PTPRR: variants seen among roughly 807,000 people sequenced by gnomAD.
PTPRR encodes the protein protein tyrosine phosphatase receptor type R, also known as receptor-type tyrosine-protein phosphatase R.
Under a neutral mutation model 77.2 loss-of-function variants are expected in PTPRR, and 38 were observed. The ratio of observed to expected loss-of-function variants is 0.49; its 90% CI spans 0.38 to 0.65. The LOEUF (loss-of-function observed/expected upper bound fraction) is 0.65. Ranked by LOEUF, PTPRR falls within the 30% of genes least tolerant of loss-of-function variation. PTPRR has a pLI of 0.00. For missense variants in PTPRR, 744 were observed against 799.2 expected (o/e 0.93, Z 0.83); for synonymous variants, 299 against 283.1 (o/e 1.06, Z -0.57).
chr12:70,836,069 C>T (rs750956452), intron 2 of PTPRR, among the ~76,000 whole-genome samples: 1 of 152,096 alleles, frequency 6.6e-6, no homozygotes, highest in Non-Finnish European at 1.5e-5. Context: ...TTGCACTGGC[C>T]ATCCTGTCTG....
At chr12:70,668,222 G>C (rs1015426304) in intron 10 of PTPRR, among the ~76,000 whole-genome samples, 1 of 151,936 alleles carries the variant, frequency 6.6e-6, no homozygotes, top group Non-Finnish European at 1.5e-5. Flanking sequence ...AGAAGGAAGA[G>C]GAGGAGAGGA....
chr12:70,643,091 G>T (rs1274695612), intron 13 of PTPRR, among the ~76,000 whole-genome samples: 1 of 152,140 alleles, frequency 6.6e-6, no homozygotes, highest in East Asian at 1.9e-4. Context: ...GATAGCATTT[G>T]CTCTATAACA....
intron 3 of PTPRR, among the ~76,000 whole-genome samples, chr12:70,763,544 G>A (rs1028550090): frequency 2.6e-5 from 4 of 152,096 alleles, no homozygotes; most frequent in African/African-American, 9.7e-5. Flanking sequence ...TTTTTATGAA[G>A]AAATGAAACA....
chr12:70,701,817 A>G (rs914141686), intron 6 of PTPRR, among the ~76,000 whole-genome samples: 2 of 151,946 alleles, frequency 1.3e-5, no homozygotes, highest in African/African-American at 4.8e-5. Context: ...TACAAAACAT[A>G]CAAAAAGTAG....
intron 1 of PTPRR, among the ~76,000 whole-genome samples, chr12:70,894,460 ATAT>A (rs1195486576): frequency 6.6e-6 from 1 of 151,766 alleles, no homozygotes; most frequent in Non-Finnish European, 1.5e-5. Flanking sequence ...TGAAAGTAGT[ATAT>A]TATTTTATTT....
chr12:70,686,496 T>C (rs111866803), intron 8 of PTPRR, among the ~76,000 whole-genome samples: 117 of 152,286 alleles, frequency 7.7e-4, no homozygotes, highest in African/African-American at 2.5e-3. Flanking sequence ...TCTAAAAGAA[T>C]GTAGTAGAGA....
At chr12:70,805,757 C>G (rs1022243) in intron 2 of PTPRR, among the ~76,000 whole-genome samples, 152,140 of 152,348 alleles carry the variant, frequency 1, 75,967 homozygotes, top group Middle Eastern at 1. Flanking sequence ...TATTCCCATT[C>G]TAAGGATGAG....
chr12:70,645,224 T>C (rs1016629688), intron 13 of PTPRR, among the ~76,000 whole-genome samples: 7 of 152,184 alleles, frequency 4.6e-5, no homozygotes, highest in African/African-American at 1.7e-4. Context: ...TGGAAGATTC[T>C]GCCTGCAAAA....
chr12:70,811,251 C>T (rs1358621267), intron 2 of PTPRR, among the ~76,000 whole-genome samples: 1 of 151,996 alleles, frequency 6.6e-6, no homozygotes, highest in Non-Finnish European at 1.5e-5. Flanking sequence ...CTGACAGGTG[C>T]CTACAAAATA....
chr12:70,739,187 T>C (rs768841007), intron 6 of PTPRR, among the ~76,000 whole-genome samples: 4 of 152,226 alleles, frequency 2.6e-5, no homozygotes, highest in Non-Finnish European at 5.9e-5. Flanking sequence ...TTCAAAAGTA[T>C]AACTGACCTA....
intron 2 of PTPRR, among the ~76,000 whole-genome samples, chr12:70,782,490 C>A (rs892617789): frequency 1.3e-5 from 2 of 152,034 alleles, no homozygotes; most frequent in East Asian, 3.9e-4. Context: ...ACATATACAC[C>A]ATGGAATACT....
chr12:70,807,510 C>T (rs1438493606), intron 2 of PTPRR, among the ~76,000 whole-genome samples: 2 of 152,122 alleles, frequency 1.3e-5, no homozygotes, highest in East Asian at 3.8e-4. Flanking sequence ...ATGTACTTGT[C>T]CATTTTTACC....
intron 10 of PTPRR, among the ~76,000 whole-genome samples, chr12:70,673,146 G>A (rs912434807): frequency 1.3e-5 from 2 of 152,048 alleles, no homozygotes; most frequent in Non-Finnish European, 2.9e-5. Context: ...ACCGTCTGCT[G>A]GGGCTTTGGC....
At chr12:70,752,759 T>G (rs10879193) in intron 5 of PTPRR, among the ~76,000 whole-genome samples, 13 of 152,154 alleles carry the variant, frequency 8.5e-5, no homozygotes, top group African/African-American at 3.1e-4. Context: ...AGCAGAAAAA[T>G]ACCCTAATTG....
intron 6 of PTPRR, among the ~76,000 whole-genome samples, chr12:70,712,518 C>T (rs1229051017): frequency 6.7e-6 from 1 of 149,784 alleles, no homozygotes. Context: ...GCCATTCACT[C>T]AAGTGCAGAT....
In PTPRR at chr12:70,870,181, T is replaced by A. The variant is rs547441472; in HGVS notation, c.357+22498A>T. Among the ~76,000 whole-genome samples the A allele has an allele frequency of 7.9e-5, 12 of 152,262 alleles. No individual in the cohort carries two copies. In the South Asian group the frequency reaches 2.5e-3, roughly 32 times the overall value. Reference sequence around the variant, plus strand: ...AGTAGCCATCAATCATCTCCAGTTCTGATCAGACCATTTCCAAAGCCCACA... The same window carrying A: ...AGTAGCCATCAATCATCTCCAGTTCAGATCAGACCATTTCCAAAGCCCACA... On this transcript the variant is annotated intron_variant, in intron 2 of 13. Coordinates refer to ENST00000283228, the MANE Select transcript of PTPRR (RefSeq NM_002849.4).
chr12:70,835,224 T>A (rs1892279847), intron 2 of PTPRR, among the ~76,000 whole-genome samples: 1 of 152,152 alleles, frequency 6.6e-6, no homozygotes, highest in African/African-American at 2.4e-5. Context: ...AAAGAGACTA[T>A]ATGCATAAAT....
intron 6 of PTPRR, among the ~76,000 whole-genome samples, chr12:70,705,298 C>T (rs948854884): frequency 1.1e-4 from 17 of 152,082 alleles, no homozygotes; most frequent in Admixed American, 6.6e-4. Context: ...GTTGGAATAA[C>T]TCAGAAACCA....
intron 2 of PTPRR, among the ~76,000 whole-genome samples, chr12:70,787,189 T>C (rs561463574): frequency 1.3e-5 from 2 of 152,326 alleles, no homozygotes; most frequent in South Asian, 4.1e-4. Flanking sequence ...CTTTTTCTTT[T>C]AGGAAGATTG....
Sources: allele counts gnomAD v4.1 joint callset (sites outside exome capture counted in the v4.1 genomes callset), GRCh38; gene constraint gnomAD v4.1.1; transcripts MANE v1.5; gene names NCBI Gene and HGNC (gene_info 2026-07-23, HGNC 2026-07-21).